Variants in IFRD1 observed in about 807,000 individuals in gnomAD.
IFRD1 encodes interferon related developmental regulator 1, also known as interferon-related developmental regulator 1.
Under a neutral mutation model 52.9 loss-of-function variants are expected in IFRD1, and 35 were observed. The observed-to-expected ratio is 0.66, with a 90% CI of 0.51 to 0.88. The LOEUF is 0.88. Among genes scored for constraint, IFRD1 ranks in the 40% least tolerant of loss-of-function variants. The probability of loss-of-function intolerance (pLI) is 0.00; values close to 1 mark genes in which losing one functional copy is unlikely to be tolerated. For synonymous variants in IFRD1, 184 were observed against 188.4 expected (o/e 0.98, Z 0.19); for missense variants, 517 against 550.8 (o/e 0.94, Z 0.61).
chr7:112,473,029 C>CGTGT (rs74273594), intron 11 of IFRD1, among the ~76,000 whole-genome samples, 168 bp downstream of exon 11: 1,536 of 115,220 alleles, frequency 0.013, 29 homozygotes, highest in African/African-American at 0.044. Flanking sequence ...GTGTGGGGGG[C>CGTGT]GTGTGTGTGT....
At chr7:112,449,622 G>T (rs946652813), upstream of IFRD1, among the ~76,000 whole-genome samples, 10 of 152,120 alleles carry the variant, frequency 6.6e-5, no homozygotes, top group African/African-American at 1.7e-4. Flanking sequence ...AGTGCCTTGA[G>T]AAAAAAGGCA....
intron 1 of IFRD1, 97 bp downstream of exon 1, chr7:112,450,879 GTA>G (rs1468068368): frequency 2.4e-6 from 2 of 846,786 alleles, no homozygotes; most frequent in African/African-American, 3.3e-5. Flanking sequence ...TTTCTCTGAT[GTA>G]CACATTTGCA....
chr7:112,472,210 A>T lies in IFRD1; in HGVS notation c.1042-9A>T. The T allele has an allele frequency of 6.2e-7, 1 of 1,613,824 alleles. No individual in the cohort carries two copies. The highest frequency in any genetic ancestry group is 2.2e-5 in the East Asian group (1 of 44,846). ...TGCCTGTGGTAATTTTGGTTCTTCC[A>T]TTGGTTAGGAACGGGATTTTCCAAC... On this transcript the variant is annotated splice_polypyrimidine_tract_variant and intron_variant, in intron 9 of 11. Transcript: ENST00000403825.
chr7:112,436,015 T>G (rs1794681036), intron 1 of IFRD1, among the ~76,000 whole-genome samples: 2 of 152,106 alleles, frequency 1.3e-5, no homozygotes, highest in Non-Finnish European at 2.9e-5. Context: ...CCCAAGTAGC[T>G]GGGATTACAG....
chr7:112,451,888 G>A (rs993169673), intron 1 of IFRD1, among the ~76,000 whole-genome samples: 7 of 152,110 alleles, frequency 4.6e-5, no homozygotes, highest in Non-Finnish European at 1.0e-4. Flanking sequence ...AGAATGATAT[G>A]CCTTTGTTCA....
At position 112,473,808 on chromosome 7, in the gene IFRD1, TC is replaced by T. The variant is rs1230081435; in HGVS notation, c.1266+948del. On this transcript the variant is annotated intron_variant, in intron 11 of 11. Transcript: ENST00000403825. ...AACAGACTATTTTAAAGTATACAGTTCAGTGGCACTTATTACATTCATGATG... is the reference window on the plus strand; with the variant it reads ...AACAGACTATTTTAAAGTATACAGTTAGTGGCACTTATTACATTCATGATG... Among the ~76,000 whole-genome samples, 5 of 152,340 alleles carry T rather than the reference TC, an allele frequency of 3.3e-5. No individual in the cohort carries two copies. In the East Asian group the frequency reaches 9.6e-4, roughly 29 times the overall value.
chr7:112,426,721 CTT>C (rs1311580604), intron 1 of IFRD1, among the ~76,000 whole-genome samples: 1 of 152,148 alleles, frequency 6.6e-6, no homozygotes, highest in African/African-American at 2.4e-5. Flanking sequence ...AGAACAGACT[CTT>C]TGAGTCTGAT....
chr7:112,434,278 C>T (rs753101317), intron 1 of IFRD1, among the ~76,000 whole-genome samples: 3 of 152,216 alleles, frequency 2.0e-5, no homozygotes, highest in Non-Finnish European at 2.9e-5. Flanking sequence ...ACATAGGTAC[C>T]AAGCTGAGAG....
chr7:112,446,763 G>A (rs115504256), upstream of IFRD1, among the ~76,000 whole-genome samples: 1,648 of 152,246 alleles, frequency 0.011, 25 homozygotes, highest in African/African-American at 0.038. Context: ...GTGTTTTTAA[G>A]TTGGCAAAGA....
chr7:112,443,253 C>T (rs17402962), intron 1 of IFRD1, among the ~76,000 whole-genome samples: 7,566 of 152,006 alleles, frequency 0.05, 267 homozygotes, highest in Admixed American at 0.12. Flanking sequence ...GGTGGTTGGC[C>T]GTAAGATTAG....
At chr7:112,441,432 C>A (rs1374564100) in intron 1 of IFRD1, among the ~76,000 whole-genome samples, 1 of 136,086 alleles carries the variant, frequency 7.3e-6, no homozygotes, top group African/African-American at 2.5e-5. Flanking sequence ...AGGCAAGACA[C>A]CATCTCAGAA....
upstream of IFRD1, among the ~76,000 whole-genome samples, chr7:112,447,179 C>T (rs541289411): frequency 3.3e-5 from 5 of 152,188 alleles, no homozygotes; most frequent in East Asian, 1.9e-4. Context: ...TCTTCTCAGG[C>T]GTGCCCCTAA....
chr7:112,468,715 G>C (rs1233358645), intron 9 of IFRD1, among the ~76,000 whole-genome samples: 1 of 152,164 alleles, frequency 6.6e-6, no homozygotes, highest in African/African-American at 2.4e-5. Context: ...GGCCAGGCTG[G>C]TCTTGAACTC....
At chr7:112,451,817 T>C (rs886715209) in intron 1 of IFRD1, among the ~76,000 whole-genome samples, 1 of 152,242 alleles carries the variant, frequency 6.6e-6, no homozygotes, top group Admixed American at 6.5e-5. Flanking sequence ...GTTATCACAC[T>C]GGAACTATTA....
intron 1 of IFRD1, among the ~76,000 whole-genome samples, chr7:112,423,942 G>A (rs1204856617): frequency 6.6e-6 from 1 of 152,220 alleles, no homozygotes; most frequent in East Asian, 1.9e-4. Flanking sequence ...TGAAACACAG[G>A]TTCAGTTGCT....
chr7:112,424,653 G>C (rs1364150635), intron 1 of IFRD1, among the ~76,000 whole-genome samples: 1 of 152,066 alleles, frequency 6.6e-6, no homozygotes, highest in Non-Finnish European at 1.5e-5. Flanking sequence ...GACCTCAGGT[G>C]ATCCACCCGC....
chr7:112,437,899 G>T (rs1006768672), intron 1 of IFRD1, among the ~76,000 whole-genome samples: 17 of 152,168 alleles, frequency 1.1e-4, no homozygotes, highest in African/African-American at 4.1e-4. Flanking sequence ...ACATATTTTA[G>T]ATGTGAAATG....
intron 5 of IFRD1, among the ~76,000 whole-genome samples, chr7:112,459,743 C>T (rs949910988): frequency 3.3e-5 from 5 of 152,192 alleles, no homozygotes; most frequent in African/African-American, 9.7e-5. Context: ...GCCTCCACTG[C>T]AGCTCTGCCC....
chr7:112,452,261 C>A, intron 1 of IFRD1: 2 of 347,024 alleles, frequency 5.8e-6, no homozygotes, highest in Non-Finnish European at 8.1e-6. Context: ...CTCCTGGGCT[C>A]AAGCAGCTCT....
Sources: allele counts gnomAD v4.1 joint callset (sites outside exome capture counted in the v4.1 genomes callset), GRCh38; gene constraint gnomAD v4.1.1; transcripts MANE v1.5; gene names NCBI Gene and HGNC (gene_info 2026-07-23, HGNC 2026-07-21).